The following SDK1 variants were observed in gnomAD, a reference collection of about 807,000 sequenced individuals.
The protein encoded by SDK1 is sidekick cell adhesion molecule 1.
In SDK1, 157 loss-of-function variants were observed where a neutral mutation model predicts 245.5. The observed-to-expected ratio is 0.64, with a 90% CI of 0.56 to 0.73. SDK1 has a LOEUF of 0.73. Ranked by LOEUF, SDK1 falls within the 30% of genes least tolerant of loss-of-function variation. The pLI, the probability that SDK1 is intolerant of heterozygous loss-of-function variation, is 0.00. For missense variants in SDK1, 3,583 were observed against 3,002.3 expected (o/e 1.19, Z -4.52); for synonymous variants, 1,647 against 1,278.5 (o/e 1.29, Z -6.15).
At chr7:3,306,800 C>T (rs1165622382) in intron 1 of SDK1, among the ~76,000 whole-genome samples, 2 of 152,078 alleles carry the variant, frequency 1.3e-5, no homozygotes, top group Non-Finnish European at 2.9e-5. Context: ...AGGTGTGTGG[C>T]ATGTAGTGTC....
chr7:3,474,889 C>G (rs1781305428), intron 1 of SDK1, among the ~76,000 whole-genome samples: 1 of 152,020 alleles, frequency 6.6e-6, no homozygotes, highest in South Asian at 2.1e-4. Flanking sequence ...ACAGGGTCTC[C>G]TTATGTTGTC....
intron 1 of SDK1, among the ~76,000 whole-genome samples, chr7:3,483,435 C>G (rs981042964): frequency 2.0e-5 from 3 of 151,948 alleles, no homozygotes; most frequent in Non-Finnish European, 4.4e-5. Context: ...GTATGTTTTG[C>G]GCTTGCCAAA....
chr7:3,457,974 C>T (rs1231821431), intron 1 of SDK1, among the ~76,000 whole-genome samples: 1 of 152,204 alleles, frequency 6.6e-6, no homozygotes, highest in Non-Finnish European at 1.5e-5. Flanking sequence ...GTAAAAAGTT[C>T]TTGGTTGAAA....
chr7:4,162,356 G>GGTGGTT lies in SDK1; in HGVS notation c.4800+502_4800+503insGGTTGT, dbSNP rs1554248435. 6.6e-5 allele frequency among the ~76,000 whole-genome samples: 8 copies of GGTGGTT among 121,958 alleles called. No homozygotes were observed. The East Asian group carries it at 1.1e-3, about 17-fold the overall frequency. The allele number at this position is 121,958 out of a possible 152,430, so 80.0% of individuals were successfully genotyped here. A position where few individuals can be genotyped will look rare whatever the true frequency, so the allele number is the denominator to read the frequency against. On this transcript the variant is annotated intron_variant, in intron 32 of 44. Transcript: ENST00000404826. ...GGGGGTGGGTGGTGGTGGTGGTGGT[G>GGTGGTT]GTTGTTGTTGTTGTTATTATTATTA...
intron 5 of SDK1, among the ~76,000 whole-genome samples, chr7:3,856,134 A>G (rs113671611): frequency 1.6e-4 from 25 of 152,270 alleles, no homozygotes; most frequent in African/African-American, 5.3e-4. Flanking sequence ...GAAAATGCAT[A>G]CTAATTTTCT....
chr7:3,360,790 G>C (rs1451526159), intron 1 of SDK1, among the ~76,000 whole-genome samples: 1 of 152,162 alleles, frequency 6.6e-6, no homozygotes, highest in Non-Finnish European at 1.5e-5. Context: ...CACAGAGGCA[G>C]AGAAGACTCC....
chr7:3,790,280 A>G (rs1781038453), intron 4 of SDK1, among the ~76,000 whole-genome samples: 2 of 152,214 alleles, frequency 1.3e-5, no homozygotes, highest in African/African-American at 4.8e-5. Flanking sequence ...ATCTGAAAAC[A>G]GAAATTATAC....
chr7:3,564,299 C>T (rs1779838390), intron 1 of SDK1, among the ~76,000 whole-genome samples: 1 of 151,644 alleles, frequency 6.6e-6, no homozygotes, highest in Non-Finnish European at 1.5e-5. Flanking sequence ...TAAGATAGAC[C>T]TCTGACAGAC....
intron 35 of SDK1, among the ~76,000 whole-genome samples, chr7:4,190,987 C>T (rs966363828): frequency 1.3e-5 from 2 of 152,110 alleles, no homozygotes; most frequent in African/African-American, 2.4e-5. Context: ...GCCTCTGGGG[C>T]CTGTGTCCAC....
At chr7:3,424,556 C>T (rs1255574537) in intron 1 of SDK1, among the ~76,000 whole-genome samples, 1 of 152,068 alleles carries the variant, frequency 6.6e-6, no homozygotes, top group Non-Finnish European at 1.5e-5. Context: ...AGTTTGTTTT[C>T]TGCTGATAGT....
At chr7:3,464,427 G>C (rs963878116) in intron 1 of SDK1, among the ~76,000 whole-genome samples, 1 of 152,124 alleles carries the variant, frequency 6.6e-6, no homozygotes, top group African/African-American at 2.4e-5. Context: ...AGACTGAGGT[G>C]GGAGGATCAT....
chr7:3,426,055 T>C (rs1174462514), intron 1 of SDK1, among the ~76,000 whole-genome samples: 2 of 152,244 alleles, frequency 1.3e-5, no homozygotes, highest in Admixed American at 6.5e-5. Context: ...TTCTCAGATA[T>C]ATGGCGTGTT....
intron 5 of SDK1, among the ~76,000 whole-genome samples, chr7:3,914,363 A>G (rs530293210): frequency 1.3e-5 from 2 of 152,358 alleles, no homozygotes; most frequent in South Asian, 4.1e-4. Flanking sequence ...TGTTATGTCA[A>G]AAATTCAGAG....
At chr7:3,635,605 G>A (rs1219222514) in intron 2 of SDK1, among the ~76,000 whole-genome samples, 1 of 152,182 alleles carries the variant, frequency 6.6e-6, no homozygotes, top group Non-Finnish European at 1.5e-5. Context: ...TTTAAATTGT[G>A]GACAAGTATT....
chr7:4,022,877 C>T (rs552256495), intron 17 of SDK1, among the ~76,000 whole-genome samples: 3 of 151,700 alleles, frequency 2.0e-5, no homozygotes, highest in East Asian at 3.9e-4. Flanking sequence ...GGGTTCACGC[C>T]GTTCTCCTGC....
At chr7:4,254,989 CT>C (rs1787540694) in intron 44 of SDK1, among the ~76,000 whole-genome samples, 1 of 152,230 alleles carries the variant, frequency 6.6e-6, no homozygotes, top group African/African-American at 2.4e-5. Context: ...CGTGCTAGCT[CT>C]GGTTTTCTCA....
intron 4 of SDK1, among the ~76,000 whole-genome samples, chr7:3,676,857 A>T (rs1461639488): frequency 2.0e-5 from 3 of 152,150 alleles, no homozygotes; most frequent in Admixed American, 2.0e-4. Context: ...GTTCTGCTCC[A>T]TTGGTCTGTG....
At chr7:3,420,583 T>G (rs1477282570) in intron 1 of SDK1, among the ~76,000 whole-genome samples, 1 of 152,184 alleles carries the variant, frequency 6.6e-6, no homozygotes, top group Non-Finnish European at 1.5e-5. Context: ...AGATTTTACT[T>G]AATTTTGGGA....
At chr7:4,101,115 GGTTT>G (rs1282478533) in intron 22 of SDK1, among the ~76,000 whole-genome samples, 1 of 151,962 alleles carries the variant, frequency 6.6e-6, no homozygotes, top group Admixed American at 6.6e-5. Context: ...CTGACCCTTT[GGTTT>G]GTTTGTTTTA....
Sources: gnomAD v4.1 joint callset for allele counts (sites outside exome capture counted in the v4.1 genomes callset) on GRCh38, gnomAD v4.1.1 for gene constraint, MANE v1.5 for transcripts, NCBI Gene and HGNC (gene_info 2026-07-23, HGNC 2026-07-21) for gene names.